Variants in LARP4 observed in about 807,000 individuals in gnomAD.
LARP4 encodes La ribonucleoprotein 4.
A neutral mutation model predicts 92.9 loss-of-function variants in LARP4; 29 were observed. The observed-to-expected ratio is 0.31, with a 90% CI of 0.23 to 0.43. The LOEUF is 0.43. LARP4 is among the 20% of genes least tolerant of loss of function. LARP4 has a pLI of 1.00. For missense variants in LARP4, 732 were observed against 860.0 expected, an observed-to-expected ratio of 0.85 and a Z score of 1.86; for synonymous variants, 279 against 284.1, an observed-to-expected ratio of 0.98 and a Z score of 0.18.
intron 1 of LARP4, chr12:50,402,704 T>G (rs1944094581): frequency 4.5e-6 from 2 of 447,936 alleles, no homozygotes; most frequent in South Asian, 3.2e-5. Context: ...GAGGTTAAAG[T>G]AACTTTACTT....
chr12:50,413,090 G>T (rs974336218), intron 1 of LARP4, among the ~76,000 whole-genome samples: 6 of 151,992 alleles, frequency 3.9e-5, no homozygotes, highest in African/African-American at 1.5e-4. Context: ...GGACGTGGTG[G>T]TGGGCGCCTG....
At chr12:50,447,487 A>T (rs1372124785) in intron 8 of LARP4, among the ~76,000 whole-genome samples, 1 of 152,224 alleles carries the variant, frequency 6.6e-6, no homozygotes, top group Non-Finnish European at 1.5e-5. Flanking sequence ...TTTAAAAGTA[A>T]TATAGGAATT....
In LARP4 at chr12:50,473,601, C is replaced by G. The variant is rs373575841; in HGVS notation, c.1667+65C>G. 4 of 1,548,798 alleles carry G rather than the reference C, an allele frequency of 2.6e-6. No homozygotes were observed. In the Middle Eastern group the frequency reaches 5.4e-4, roughly 211 times the overall value. ...CTTTTTCTGGCCGGGTGTGGTGGCT[C>G]TCACCTGTAATCCCAGCACTTTGGG... On this transcript the variant is annotated intron_variant, in intron 14 of 15. Coordinates refer to ENST00000398473, the MANE Select transcript of LARP4 (RefSeq NM_052879.5).
At chr12:50,426,687 GTGTGTGTGT>G (rs1565986401) in intron 1 of LARP4, among the ~76,000 whole-genome samples, 1,081 of 81,032 alleles carry the variant, frequency 0.013, 32 homozygotes, top group African/African-American at 0.046. Flanking sequence ...TGTTTGGGGT[GTGTGTGTGT>G]GTGTGTGTGT....
intron 1 of LARP4, among the ~76,000 whole-genome samples, chr12:50,418,107 C>T (rs933722170): frequency 2.0e-5 from 3 of 152,182 alleles, no homozygotes; most frequent in Non-Finnish European, 2.9e-5. Flanking sequence ...GTGATCCACC[C>T]GCCTTGGCCT....
chr12:50,411,866 A>G (rs1246411723), intron 1 of LARP4, among the ~76,000 whole-genome samples: 1 of 151,652 alleles, frequency 6.6e-6, no homozygotes, highest in Non-Finnish European at 1.5e-5. Context: ...TTTTTAGTAG[A>G]TAAACGGGGT....
At chr12:50,409,620 A>G (rs976138551) in intron 1 of LARP4, among the ~76,000 whole-genome samples, 10 of 152,008 alleles carry the variant, frequency 6.6e-5, no homozygotes, top group Admixed American at 2.6e-4. Flanking sequence ...AAAAAAAATT[A>G]GGCGGGTATA....
At chr12:50,416,960 G>T (rs1294971339) in intron 1 of LARP4, among the ~76,000 whole-genome samples, 1 of 152,052 alleles carries the variant, frequency 6.6e-6, no homozygotes, top group African/African-American at 2.4e-5. Context: ...GTGAGATCCT[G>T]TTTCAAAAAT....
chr12:50,400,894 C>A lies in LARP4; in HGVS notation c.-117C>A. The A allele has an allele frequency of 7.1e-7, 1 of 1,404,414 alleles. No homozygotes were observed. The highest frequency in any genetic ancestry group is 1.2e-5 in the South Asian group (1 of 86,870). 87.0% of individuals were successfully genotyped at this position (1,404,414 alleles called of 1,614,324 possible). A position where few individuals can be genotyped will look rare whatever the true frequency, so the allele number is the denominator to read the frequency against. On this transcript the variant is annotated 5_prime_UTR_variant, in exon 1 of 16. Coordinates refer to ENST00000398473, the MANE Select transcript of LARP4 (RefSeq NM_052879.5). ...CTGACGGCAGGGGAGGAGCCGGGTC[C>A]ACTGCCGGGTGGAGGGGCAAGGCGA... is the stretch of plus-strand genomic sequence containing the variant.
chr12:50,440,571 A>AT (rs1239923218), intron 7 of LARP4, 22 bp downstream of exon 7: 24 of 1,506,558 alleles, frequency 1.6e-5, no homozygotes, highest in Non-Finnish European at 2.2e-5. Context: ...ACATTTTCTG[A>AT]TACAAGTCCA....
chr12:50,421,417 G>A, intron 1 of LARP4: 1 of 218,404 alleles, frequency 4.6e-6, no homozygotes, highest in Non-Finnish European at 7.8e-6. Flanking sequence ...GCCGAGGTGG[G>A]AGGATCAAGA....
intron 1 of LARP4, among the ~76,000 whole-genome samples, chr12:50,413,202 G>A (rs139352509): frequency 0.014 from 1,953 of 140,708 alleles, 44 homozygotes; most frequent in African/African-American, 0.046. Flanking sequence ...CAGCCTGGGC[G>A]ACAGAGTGAG....
At chr12:50,430,388 A>G in intron 3 of LARP4, 107 bp from the exon 4 acceptor site, 1 of 621,504 alleles carries the variant, frequency 1.6e-6, no homozygotes, top group Non-Finnish European at 2.9e-6. Flanking sequence ...TTTGTGGTGA[A>G]TTTTGATTGT....
intron 12 of LARP4, among the ~76,000 whole-genome samples, chr12:50,466,314 A>T (rs773136777): frequency 1.3e-5 from 2 of 152,074 alleles, no homozygotes; most frequent in African/African-American, 2.4e-5. Flanking sequence ...AGATAAATAG[A>T]TGGAGAAAGA....
intron 1 of LARP4, among the ~76,000 whole-genome samples, chr12:50,409,789 A>C (rs1316003729): frequency 6.7e-6 from 1 of 150,332 alleles, no homozygotes; most frequent in Non-Finnish European, 1.5e-5. Context: ...AAAGAAAAAG[A>C]ATTATTATTA....
At chr12:50,448,835 C>A (rs1276140520) in intron 8 of LARP4, among the ~76,000 whole-genome samples, 6 of 152,152 alleles carry the variant, frequency 3.9e-5, no homozygotes, top group African/African-American at 2.4e-5. Context: ...GAGATTCTTT[C>A]TTAATACATG....
intron 4 of LARP4, among the ~76,000 whole-genome samples, chr12:50,434,609 G>T (rs910174834): frequency 6.6e-6 from 1 of 151,022 alleles, no homozygotes; most frequent in African/African-American, 2.4e-5. Flanking sequence ...GTTTCACCAT[G>T]TTGGCCAGGT....
chr12:50,453,439 T>G (rs1473135336), intron 8 of LARP4, 21 bp from the exon 9 acceptor site: 1 of 1,381,988 alleles, frequency 7.2e-7, no homozygotes, highest in South Asian at 1.2e-5. Flanking sequence ...TCTTTGTTGC[T>G]ATAATGTGTT....
chr12:50,463,264 G>A (rs1340316492), intron 12 of LARP4, among the ~76,000 whole-genome samples: 4 of 150,948 alleles, frequency 2.6e-5, no homozygotes, highest in East Asian at 3.9e-4. Flanking sequence ...CAAGCAGAAC[G>A]GTCAGGACAT....
Sources: gnomAD v4.1 joint callset for allele counts (sites outside exome capture counted in the v4.1 genomes callset) on GRCh38, gnomAD v4.1.1 for gene constraint, MANE v1.5 for transcripts, NCBI Gene and HGNC (gene_info 2026-07-23, HGNC 2026-07-21) for gene names.